HIVEP2: variants seen among roughly 807,000 people sequenced by gnomAD.
HIVEP2 encodes transcription factor HIVEP2.
A neutral mutation model predicts 180.7 loss-of-function variants in HIVEP2; 14 were observed. The observed-to-expected ratio is 0.08, with a 90% CI of 0.05 to 0.12. The LOEUF (loss-of-function observed/expected upper bound fraction) is 0.12. Ranked by LOEUF, HIVEP2 falls within the 10% of genes least tolerant of loss-of-function variation. The pLI is 1.00. For missense variants in HIVEP2, 2,579 were observed against 3,008.5 expected, an observed-to-expected ratio of 0.86 and a Z score of 3.34; for synonymous variants, 1,184 against 1,136.4, an observed-to-expected ratio of 1.04 and a Z score of -0.84.
intron 2 of HIVEP2, among the ~76,000 whole-genome samples, chr6:142,828,835 C>T (rs1382851544): frequency 5.9e-5 from 9 of 152,126 alleles, no homozygotes; most frequent in Non-Finnish European, 1.2e-4. Context: ...GGCTGGCTTT[C>T]CATAAATGTT....
chr6:142,831,476 G>A (rs1192563618), intron 2 of HIVEP2, among the ~76,000 whole-genome samples: 3 of 152,188 alleles, frequency 2.0e-5, no homozygotes, highest in Non-Finnish European at 4.4e-5. Flanking sequence ...AGCTCTGAGT[G>A]CAGTGCTCTC....
chr6:142,764,678 G>C lies in HIVEP2; in HGVS notation c.5518+121C>G, dbSNP rs918667965. 11 of 768,598 alleles carry C rather than the reference G, an allele frequency of 1.4e-5. No individual in the cohort carries two copies. The African/African-American group carries it at 1.8e-4, about 12-fold the overall frequency. The allele number at this position is 768,598 out of a possible 1,614,324, so 47.6% of individuals were successfully genotyped here. ...CTTGAGGGAGAAAATATATTTCGTG[G>C]AATCATATTTTCACAAACAAACTAT... is the stretch of plus-strand genomic sequence containing the variant. On this transcript the variant is annotated intron_variant, in intron 7 of 9. Coordinates refer to ENST00000367603, the MANE Select transcript of HIVEP2 (RefSeq NM_006734.4).
At chr6:142,862,606 A>T (rs942146899) in intron 1 of HIVEP2, among the ~76,000 whole-genome samples, 4 of 144,582 alleles carry the variant, frequency 2.8e-5, no homozygotes, top group African/African-American at 7.5e-5. Context: ...TAATCGATTC[A>T]TAATCGATTA....
chr6:142,774,028 C>T lies in HIVEP2; in HGVS notation c.711G>A (p.Lys237=). 1 of 1,614,234 alleles carries T rather than the reference C, an allele frequency of 6.2e-7. No individual in the cohort carries two copies. The highest frequency in any genetic ancestry group is 1.1e-5 in the South Asian group (1 of 91,090). The part of the protein sequence containing the change: ...KTKSNLYKHR[K]SHAHAIKAGL... ...CTGCCTTAATTGCATGGGCATGTGA[C>T]TTCCTGTGCTTGTACAAATTGCTCT... Residue 237 remains lysine, a synonymous_variant, in exon 5 of 10, where the codon AAG becomes AAA. Transcript: ENST00000367603. This position sits in a 1 kb window ranked among gnomAD's most constrained non-coding sequence, Gnocchi z 5.1.
chr6:142,810,761 C>CAAA (rs60893476), intron 2 of HIVEP2, among the ~76,000 whole-genome samples: 14 of 100,724 alleles, frequency 1.4e-4, no homozygotes, highest in African/African-American at 4.5e-4. Flanking sequence ...GACTCTGTCT[C>CAAA]AAAAAAAAAA....
chr6:142,798,275 A>G (rs1392650462), intron 2 of HIVEP2, among the ~76,000 whole-genome samples: 1 of 151,476 alleles, frequency 6.6e-6, no homozygotes, highest in Non-Finnish European at 1.5e-5. Context: ...TCTCAAAAAA[A>G]AAAGAAAAGA....
intron 2 of HIVEP2, among the ~76,000 whole-genome samples, chr6:142,820,281 C>T (rs954963325): frequency 1.4e-5 from 2 of 140,018 alleles, no homozygotes; most frequent in Admixed American, 7.2e-5. Flanking sequence ...CACTACTTTA[C>T]CAGGCTCGCT....
chr6:142,759,684 T>C (rs941095923), intron 9 of HIVEP2, 88 bp downstream of exon 9: 9 of 1,005,770 alleles, frequency 8.9e-6, no homozygotes, highest in African/African-American at 8.1e-5. Context: ...CAGATACCCA[T>C]GTTCTACTAA....
chr6:142,809,029 G>A (rs1298919049), intron 2 of HIVEP2, among the ~76,000 whole-genome samples: 4 of 151,952 alleles, frequency 2.6e-5, no homozygotes, highest in African/African-American at 4.8e-5. Context: ...ACACAAATCC[G>A]AGTACAAGGT....
At chr6:142,846,866 T>G (rs117369237) in intron 1 of HIVEP2, among the ~76,000 whole-genome samples, 1 of 152,224 alleles carries the variant, frequency 6.6e-6, no homozygotes. Flanking sequence ...TTCTGTGGTC[T>G]TAATCTGCAA....
intron 1 of HIVEP2, among the ~76,000 whole-genome samples, chr6:142,882,437 C>A (rs1229237567): frequency 3.3e-5 from 5 of 151,878 alleles, no homozygotes; most frequent in Admixed American, 1.3e-4. Context: ...ACAGTGAGAT[C>A]CTGTTTCCAC....
In HIVEP2 at chr6:142,751,822, A is replaced by G. The variant is rs1774928615; in HGVS notation, c.*1285T>C. The G allele has an allele frequency of 6.5e-6, 1 of 152,676 alleles. No homozygotes were observed. The highest frequency in any genetic ancestry group is 1.9e-4 in the East Asian group (1 of 5,188). The allele number at this position is 152,676 out of a possible 1,614,324, so 9.5% of individuals were successfully genotyped here. ...CACTCTTCCCCTATGAAAAAGGGTA[A>G]GGTGACCTCCCCTAACACAGATGTT... On this transcript the variant is annotated 3_prime_UTR_variant, in exon 10 of 10. Coordinates refer to ENST00000367603, the MANE Select transcript of HIVEP2 (RefSeq NM_006734.4).
At chr6:142,757,816 C>T (rs1407537676) in intron 9 of HIVEP2, among the ~76,000 whole-genome samples, 4 of 152,238 alleles carry the variant, frequency 2.6e-5, no homozygotes, top group Admixed American at 1.3e-4. Flanking sequence ...TTAGTCCACT[C>T]TTCCAATTCC....
chr6:142,914,959 T>C (rs1471994148), intron 1 of HIVEP2, among the ~76,000 whole-genome samples: 2 of 152,158 alleles, frequency 1.3e-5, no homozygotes, highest in Admixed American at 1.3e-4. Context: ...TTTCATCTCC[T>C]CTAAGAACTG....
intron 1 of HIVEP2, among the ~76,000 whole-genome samples, chr6:142,937,654 G>A (rs1359060372): frequency 6.6e-6 from 1 of 152,244 alleles, no homozygotes; most frequent in East Asian, 1.9e-4. Context: ...TTAAATATTT[G>A]AAATAATTTT....
intron 1 of HIVEP2, among the ~76,000 whole-genome samples, chr6:142,856,550 G>A (rs1193679017): frequency 2.0e-5 from 3 of 152,226 alleles, no homozygotes; most frequent in Admixed American, 2.0e-4. Context: ...CTAAGCCCAG[G>A]CACACTGCCT....
Position 142,770,862 on chromosome 6 carries a change from G to A in HIVEP2, c.3877C>T (p.Leu1293Phe), listed in dbSNP as rs35675714. Residue 1293 changes from leucine to phenylalanine, a missense_variant, in exon 5 of 10, where the codon CTT (leucine) becomes TTT (phenylalanine). Coordinates refer to ENST00000367603, the MANE Select transcript of HIVEP2 (RefSeq NM_006734.4). This position sits in a 1 kb window ranked among gnomAD's most constrained non-coding sequence, Gnocchi z 4.7. The stretch of plus-strand genomic sequence containing the variant: ...TGGTCTGATGGAAACTTTGGAAGAA[G>A]GTTCTTTGGGTGTAGCCCTGATGCT... ...SGASGLHPKN[L>F]LPKFPSDQSS... The A allele has an allele frequency of 9.9e-6, 16 of 1,614,212 alleles. No homozygotes were observed. Among genetic ancestry groups the A allele is most frequent in the Middle Eastern group, 3.3e-4 (2 of 6,062 alleles).
Position 142,785,335 on chromosome 6 carries a change from A to T in HIVEP2, c.-527-1720T>A, listed in dbSNP as rs1302874391. The stretch of plus-strand genomic sequence containing the variant: ...AAAAAAAAAAAAAAAAAAAAAAAAA[A>T]AAAAAAAAAAAGAAGAAGAAGAAAT... On this transcript the variant is annotated intron_variant, in intron 2 of 9. Coordinates refer to ENST00000367603, the MANE Select transcript of HIVEP2 (RefSeq NM_006734.4). Among the ~76,000 whole-genome samples the T allele has an allele frequency of 2.6e-3, 279 of 107,686 alleles. 4 individuals are homozygous for T. The highest frequency in any genetic ancestry group is 9.5e-3 in the African/African-American group (267 of 28,118). 70.6% of individuals were successfully genotyped at this position (107,686 alleles called of 152,430 possible).
At chr6:142,914,991 C>A (rs931044894) in intron 1 of HIVEP2, among the ~76,000 whole-genome samples, 8 of 152,158 alleles carry the variant, frequency 5.3e-5, no homozygotes, top group Non-Finnish European at 1.0e-4. Context: ...TATTTCTCCC[C>A]CATTTAATCT....
Sources: allele counts gnomAD v4.1 joint callset (sites outside exome capture counted in the v4.1 genomes callset), GRCh38; gene constraint gnomAD v4.1.1; non-coding constraint Gnocchi (gnomAD v3.1); transcripts MANE v1.5; gene names NCBI Gene and HGNC (gene_info 2026-07-23, HGNC 2026-07-21).